The following TLN2 variants were observed in gnomAD, a reference collection of about 807,000 sequenced individuals.
The protein encoded by TLN2 is talin 2.
A neutral mutation model predicts 294.7 loss-of-function variants in TLN2; 118 were observed. The ratio of observed to expected loss-of-function variants is 0.40; its 90% CI spans 0.34 to 0.47. The LOEUF is 0.47. Among genes scored for constraint, TLN2 ranks in the 20% least tolerant of loss-of-function variants. The pLI, the probability that TLN2 is intolerant of heterozygous loss-of-function variation, is 0.84. For synonymous variants in TLN2, 1,431 were observed against 1,304.5 expected (o/e 1.10, Z -2.09); for missense variants, 3,083 against 3,282.2 (o/e 0.94, Z 1.48).
intron 1 of TLN2, among the ~76,000 whole-genome samples, chr15:62,421,174 C>T (rs2034368644): frequency 6.6e-6 from 1 of 152,122 alleles, no homozygotes; most frequent in Non-Finnish European, 1.5e-5. Flanking sequence ...CATCTTGTTA[C>T]CGGTCCACGA....
chr15:62,577,449 A>G (rs1280773747), intron 1 of TLN2, among the ~76,000 whole-genome samples: 1 of 152,198 alleles, frequency 6.6e-6, no homozygotes, highest in Non-Finnish European at 1.5e-5. Flanking sequence ...CATCTCAAAA[A>G]CAAAACAAAA....
chr15:62,492,094 C>T (rs948857995), intron 1 of TLN2, among the ~76,000 whole-genome samples: 1 of 151,778 alleles, frequency 6.6e-6, no homozygotes, highest in Non-Finnish European at 1.5e-5. Flanking sequence ...ATTTTGATAA[C>T]TTATTTATTA....
At chr15:62,744,833 A>C (rs2061530593) in intron 32 of TLN2, among the ~76,000 whole-genome samples, 1 of 152,310 alleles carries the variant, frequency 6.6e-6, no homozygotes, top group Admixed American at 6.5e-5. Context: ...GGCGTGAGTC[A>C]CCGCGCCTGG....
At chr15:62,726,187 A>G (rs956219807) in intron 27 of TLN2, among the ~76,000 whole-genome samples, 4 of 152,234 alleles carry the variant, frequency 2.6e-5, no homozygotes, top group African/African-American at 9.6e-5. Flanking sequence ...CTGGTCAGTT[A>G]GAATGCAGGA....
chr15:62,703,014 T>C, intron 19 of TLN2, 150 bp downstream of exon 19: 1 of 697,832 alleles, frequency 1.4e-6, no homozygotes, highest in Non-Finnish European at 2.3e-6. Context: ...TGAGGTCTTT[T>C]TGTGTTACCA....
At chr15:62,819,809 G>A (rs1030429801) in intron 53 of TLN2, among the ~76,000 whole-genome samples, 188 bp downstream of exon 53, 1 of 152,218 alleles carries the variant, frequency 6.6e-6, no homozygotes, top group African/African-American at 2.4e-5. Context: ...CCTCCCTGAA[G>A]CAAGTCTTTT....
intron 36 of TLN2, 40 bp downstream of exon 36, chr15:62,753,956 C>G (rs1207138298): frequency 6.6e-7 from 1 of 1,510,172 alleles, no homozygotes; most frequent in Non-Finnish European, 8.9e-7. Context: ...AGCCCTTAAG[C>G]AGCTCCTCTA....
intron 45 of TLN2, among the ~76,000 whole-genome samples, chr15:62,786,104 A>G (rs1595987371): frequency 6.6e-6 from 1 of 152,298 alleles, no homozygotes; most frequent in African/African-American, 2.4e-5. Flanking sequence ...CTTGCTAAGG[A>G]AAATTCTTTG....
intron 32 of TLN2, among the ~76,000 whole-genome samples, chr15:62,747,944 A>C (rs2061705277): frequency 6.6e-6 from 1 of 152,198 alleles, no homozygotes; most frequent in Non-Finnish European, 1.5e-5. Context: ...CACATTGAGT[A>C]GGCAGCGGAG....
intron 11 of TLN2, among the ~76,000 whole-genome samples, chr15:62,686,311 TAC>T (rs2057282281): frequency 6.6e-6 from 1 of 152,236 alleles, no homozygotes; most frequent in Non-Finnish European, 1.5e-5. Flanking sequence ...GGAGTGATAG[TAC>T]CTGGAATTCA....
intron 3 of TLN2, among the ~76,000 whole-genome samples, chr15:62,627,272 T>C (rs1278765521): frequency 6.6e-6 from 1 of 152,214 alleles, no homozygotes; most frequent in African/African-American, 2.4e-5. Flanking sequence ...TTTTCTATAT[T>C]GTTGTGCCTT....
chr15:62,544,616 C>T (rs2041884901), intron 1 of TLN2, among the ~76,000 whole-genome samples: 2 of 152,116 alleles, frequency 1.3e-5, no homozygotes, highest in Admixed American at 6.5e-5. Flanking sequence ...CTGGAGACCG[C>T]TTCTGGCTTA....
intron 1 of TLN2, among the ~76,000 whole-genome samples, chr15:62,513,996 G>T (rs968834903): frequency 6.6e-6 from 1 of 152,196 alleles, no homozygotes; most frequent in African/African-American, 2.4e-5. Context: ...CAAAGCAAAA[G>T]AAATTCTTGT....
rs533685106 is a variant in TLN2, at chr15:62,396,482, A to G, written c.-238+5797A>G. 8.5e-5 allele frequency among the ~76,000 whole-genome samples: 13 copies of G among 152,234 alleles called. No individual in the cohort carries two copies. In the South Asian group the frequency reaches 2.7e-3, roughly 32 times the overall value. ...TAAAATCTTTGATTTCTCAACTTTT[A>G]GTAGAGTATACCTTCAGTGTAAAGG... On this transcript the variant is annotated intron_variant, in intron 1 of 58. Transcript: ENST00000636159.
intron 14 of TLN2, among the ~76,000 whole-genome samples, chr15:62,695,282 A>G (rs563997298): frequency 2.3e-4 from 35 of 152,256 alleles, no homozygotes; most frequent in Non-Finnish European, 4.4e-4. Context: ...ACAACTCCCT[A>G]TGCAAAAGGG....
chr15:62,564,384 T>C (rs2043214999), intron 1 of TLN2, among the ~76,000 whole-genome samples: 1 of 152,140 alleles, frequency 6.6e-6, no homozygotes, highest in Non-Finnish European at 1.5e-5. Flanking sequence ...TTCAGAATTA[T>C]CCCTGGTAGA....
intron 1 of TLN2, among the ~76,000 whole-genome samples, chr15:62,420,501 A>G (rs978569970): frequency 6.6e-6 from 1 of 152,012 alleles, no homozygotes; most frequent in Non-Finnish European, 1.5e-5. Flanking sequence ...GGTTCAAGCA[A>G]TTCTCCTGCT....
intron 1 of TLN2, among the ~76,000 whole-genome samples, chr15:62,397,455 T>C (rs1342241880): frequency 2.0e-5 from 3 of 152,092 alleles, no homozygotes; most frequent in Admixed American, 2.0e-4. Context: ...GTAGAGACCA[T>C]GTCTCACTGT....
chr15:62,723,233 C>G (rs1340214804), intron 26 of TLN2, among the ~76,000 whole-genome samples: 2 of 152,134 alleles, frequency 1.3e-5, no homozygotes, highest in Non-Finnish European at 2.9e-5. Flanking sequence ...TAAAAATATC[C>G]AGAGCTTTAG....
Sources: allele counts gnomAD v4.1 joint callset (sites outside exome capture counted in the v4.1 genomes callset), GRCh38; gene constraint gnomAD v4.1.1; transcripts MANE v1.5; gene names NCBI Gene and HGNC (gene_info 2026-07-23, HGNC 2026-07-21).